Variants in AGBL4 observed in about 807,000 individuals in gnomAD.
AGBL4 encodes the protein cytosolic carboxypeptidase 6.
A neutral mutation model predicts 66.4 loss-of-function variants in AGBL4; 58 were observed. That is an observed-to-expected ratio of 0.87 (90% CI 0.71 to 1.09). The LOEUF (loss-of-function observed/expected upper bound fraction) is 1.09. AGBL4 is among the 50% of genes least tolerant of loss of function. The pLI is 0.00. For missense variants in AGBL4, 579 were observed against 631.0 expected (o/e 0.92, Z 0.88); for synonymous variants, 234 against 222.9 (o/e 1.05, Z -0.44).
chr1:48,765,085 C>T (rs1194714633), intron 6 of AGBL4, among the ~76,000 whole-genome samples: 2 of 151,218 alleles, frequency 1.3e-5, no homozygotes, highest in Non-Finnish European at 3.0e-5. Context: ...TCATCTCCTC[C>T]CTCCCTCTCA....
chr1:48,763,544 T>G (rs1644383180), intron 6 of AGBL4, among the ~76,000 whole-genome samples: 1 of 152,048 alleles, frequency 6.6e-6, no homozygotes, highest in South Asian at 2.1e-4. Flanking sequence ...GAGGGTGGTA[T>G]TAGGATTTCT....
intron 5 of AGBL4, among the ~76,000 whole-genome samples, chr1:48,921,327 G>T (rs1260147197): frequency 6.6e-6 from 1 of 152,216 alleles, no homozygotes; most frequent in Non-Finnish European, 1.5e-5. Context: ...GCCTGTGCTG[G>T]ACACTGGAGA....
At chr1:48,645,229 C>T (rs1336152331) in intron 8 of AGBL4, among the ~76,000 whole-genome samples, 1 of 152,178 alleles carries the variant, frequency 6.6e-6, no homozygotes, top group Non-Finnish European at 1.5e-5. Context: ...TTACATAAAG[C>T]AGGAGAGAGT....
intron 11 of AGBL4, among the ~76,000 whole-genome samples, chr1:48,563,657 T>TAAAC (rs10622612): frequency 0.81 from 122,181 of 151,660 alleles, 49,879 homozygotes; most frequent in Non-Finnish European, 0.89. Flanking sequence ...TACAGATAGA[T>TAAAC]AGACAGACAA....
intron 1 of AGBL4, among the ~76,000 whole-genome samples, chr1:49,970,404 G>A (rs928372497): frequency 3.9e-5 from 6 of 151,902 alleles, no homozygotes; most frequent in Non-Finnish European, 5.9e-5. Flanking sequence ...ACTCAATAGC[G>A]AAAAAACAAA....
intron 4 of AGBL4, among the ~76,000 whole-genome samples, chr1:49,089,686 T>C (rs1644969289): frequency 6.6e-6 from 1 of 152,132 alleles, no homozygotes; most frequent in Admixed American, 6.5e-5. Flanking sequence ...ACTGGTACAA[T>C]TCCTACTGAA....
At chr1:49,920,147 C>A (rs1652052499) in intron 1 of AGBL4, among the ~76,000 whole-genome samples, 1 of 152,194 alleles carries the variant, frequency 6.6e-6, no homozygotes, top group Non-Finnish European at 1.5e-5. Context: ...TAGAAGAAGA[C>A]CTAGGCAATA....
At chr1:49,969,331 C>T (rs1408854733) in intron 1 of AGBL4, among the ~76,000 whole-genome samples, 1 of 152,058 alleles carries the variant, frequency 6.6e-6, no homozygotes, top group Non-Finnish European at 1.5e-5. Context: ...AAGTTTCCTC[C>T]TGCCCTCTTT....
chr1:49,371,048 T>G (rs1644329894), intron 3 of AGBL4, among the ~76,000 whole-genome samples: 1 of 152,110 alleles, frequency 6.6e-6, no homozygotes, highest in South Asian at 2.1e-4. Context: ...CTCTTGTGCA[T>G]CACCATCAGC....
intron 3 of AGBL4, among the ~76,000 whole-genome samples, chr1:49,409,373 A>T (rs192539112): frequency 2.6e-5 from 4 of 152,288 alleles, no homozygotes; most frequent in Admixed American, 2.6e-4. Flanking sequence ...TGAGATCCTG[A>T]TCAATACCAT....
At chr1:48,847,399 CAA>C (rs11413755) in intron 6 of AGBL4, among the ~76,000 whole-genome samples, 29 of 126,088 alleles carry the variant, frequency 2.3e-4, no homozygotes, top group Admixed American at 3.2e-4. Context: ...AGAAATGAGG[CAA>C]AAAAAAAAAA....
rs1181351234 is a variant in AGBL4, at chr1:49,107,529, G to T, written c.378-61729C>A. Reference sequence around the variant, plus strand: ...AAGAGCAGGTGTGACTAAAATTAAAGTTTAATGTTGTTTGCATTGCTGTAA... The same window carrying T: ...AAGAGCAGGTGTGACTAAAATTAAATTTTAATGTTGTTTGCATTGCTGTAA... On this transcript the variant is annotated intron_variant, in intron 4 of 13. Coordinates refer to ENST00000371839, the MANE Select transcript of AGBL4 (RefSeq NM_032785.4). Among the ~76,000 whole-genome samples, 4 of 152,060 alleles carry T rather than the reference G, an allele frequency of 2.6e-5. No individual in the cohort carries two copies. In the East Asian group the frequency reaches 7.7e-4, roughly 29 times the overall value.
At chr1:49,171,632 G>A (rs1041672791) in intron 4 of AGBL4, among the ~76,000 whole-genome samples, 10 of 152,090 alleles carry the variant, frequency 6.6e-5, no homozygotes, top group African/African-American at 2.4e-4. Context: ...CCTTCCTTGG[G>A]TGTCTTGTTC....
At chr1:48,658,693 C>CGAG (rs3064721) in intron 7 of AGBL4, among the ~76,000 whole-genome samples, 78,515 of 151,712 alleles carry the variant, frequency 0.52, 21,273 homozygotes, top group Middle Eastern at 0.65. Flanking sequence ...TTTGGGATAG[C>CGAG]GAGAAGAGGA....
At chr1:49,964,593 T>A (rs1017132171) in intron 1 of AGBL4, among the ~76,000 whole-genome samples, 1 of 152,152 alleles carries the variant, frequency 6.6e-6, no homozygotes, top group African/African-American at 2.4e-5. Flanking sequence ...CTTTATTAGA[T>A]ACTGTAATAT....
At chr1:50,018,482 A>ATTAAAATT (rs1428275997) in intron 1 of AGBL4, among the ~76,000 whole-genome samples, 1 of 152,158 alleles carries the variant, frequency 6.6e-6, no homozygotes, top group East Asian at 1.9e-4. Context: ...TTAAATCTGT[A>ATTAAAATT]TTAAAATTAA....
Position 49,200,649 on chromosome 1 carries a change from A to G in AGBL4, c.377+45121T>C, listed in dbSNP as rs552634054. 3.0e-4 allele frequency among the ~76,000 whole-genome samples: 46 copies of G among 152,262 alleles called. 2 individuals are homozygous for G. In the South Asian group the frequency reaches 8.3e-3, roughly 27 times the overall value. On this transcript the variant is annotated intron_variant, in intron 4 of 13. Coordinates refer to ENST00000371839, the MANE Select transcript of AGBL4 (RefSeq NM_032785.4). ...TCACAGCACTGAGAGAAACAGATTT[A>G]CTCATTTATTATAACGGGTGTTACA...
intron 4 of AGBL4, among the ~76,000 whole-genome samples, chr1:49,073,983 G>C (rs192493891): frequency 1.3e-5 from 2 of 152,306 alleles, no homozygotes; most frequent in African/African-American, 4.8e-5. Context: ...ACCTTGCTGA[G>C]CTGTGGTGGG....
At chr1:49,181,483 G>C in intron 4 of AGBL4, among the ~76,000 whole-genome samples, 1 of 152,126 alleles carries the variant, frequency 6.6e-6, no homozygotes, top group East Asian at 1.9e-4. Context: ...CTACCTCCTG[G>C]CTGTGGGGAC....
Sources: gnomAD v4.1 joint callset for allele counts (sites outside exome capture counted in the v4.1 genomes callset) on GRCh38, gnomAD v4.1.1 for gene constraint, MANE v1.5 for transcripts, NCBI Gene and HGNC (gene_info 2026-07-23, HGNC 2026-07-21) for gene names.